PHF21B: variants seen among roughly 807,000 people sequenced by gnomAD.
PHF21B encodes PHD finger protein 21B, also known as PHD finger protein 4.
PHF21B carries 22 observed loss-of-function variants against 62.2 expected under a neutral mutation model. The ratio of observed to expected loss-of-function variants is 0.35; its 90% CI spans 0.25 to 0.51. The LOEUF (loss-of-function observed/expected upper bound fraction) is 0.51. Among genes scored for constraint, PHF21B ranks in the 20% least tolerant of loss-of-function variants. The pLI is 0.97. For missense variants in PHF21B, 701 were observed against 707.9 expected (o/e 0.99, Z 0.11); for synonymous variants, 341 against 314.7 (o/e 1.08, Z -0.88).
At chr22:44,985,708 G>C (rs1230634888) in intron 2 of PHF21B, among the ~76,000 whole-genome samples, 2 of 152,134 alleles carry the variant, frequency 1.3e-5, no homozygotes, top group Non-Finnish European at 2.9e-5. Flanking sequence ...TGTTGTGATG[G>C]CAAAGCAACA....
intron 5 of PHF21B, among the ~76,000 whole-genome samples, chr22:44,897,450 G>A (rs2071081385): frequency 6.6e-6 from 1 of 152,146 alleles, no homozygotes; most frequent in Non-Finnish European, 1.5e-5. Context: ...TTGGTGACGG[G>A]AGTGAGGCTC....
chr22:44,934,685 G>A (rs2071810075), intron 2 of PHF21B, among the ~76,000 whole-genome samples: 1 of 152,170 alleles, frequency 6.6e-6, no homozygotes, highest in Non-Finnish European at 1.5e-5. Context: ...TAACTGGAGG[G>A]TGTAGGGAGT....
intron 2 of PHF21B, among the ~76,000 whole-genome samples, chr22:45,007,012 C>G (rs1244048648): frequency 6.6e-6 from 1 of 152,128 alleles, no homozygotes; most frequent in Non-Finnish European, 1.5e-5. Flanking sequence ...CTCCCCCCGC[C>G]AACTCCCCGA....
intron 2 of PHF21B, among the ~76,000 whole-genome samples, chr22:44,961,886 A>AAAT (rs1601649082): frequency 6.6e-6 from 1 of 151,180 alleles, no homozygotes; most frequent in Non-Finnish European, 1.5e-5. Flanking sequence ...ATAAATAAAT[A>AAAT]AATAAATAAG....
In PHF21B at chr22:44,888,137, G is replaced by C; in HGVS notation, c.1039-16C>G. ...TGATCTCGTTCTGGAAGAGAAGGGA[G>C]GGCAGGAGACAGGTCAGCCACAGCC... On this transcript the variant is annotated splice_polypyrimidine_tract_variant and intron_variant, in intron 9 of 12. Coordinates refer to ENST00000313237, the MANE Select transcript of PHF21B (RefSeq NM_138415.5). 1 of 1,505,964 alleles carries C rather than the reference G, an allele frequency of 6.6e-7. No homozygotes were observed. The allele number at this position is 1,505,964 out of a possible 1,614,324, so 93.3% of individuals were successfully genotyped here. A position where few individuals can be genotyped will look rare whatever the true frequency, so the allele number is the denominator to read the frequency against.
At chr22:44,897,203 G>A (rs2071076677) in intron 5 of PHF21B, among the ~76,000 whole-genome samples, 1 of 152,042 alleles carries the variant, frequency 6.6e-6, no homozygotes, top group Non-Finnish European at 1.5e-5. Flanking sequence ...AAAAGGTCAT[G>A]ACACTGTATT....
At chr22:44,932,341 C>T (rs891997227) in intron 2 of PHF21B, among the ~76,000 whole-genome samples, 18 of 152,194 alleles carry the variant, frequency 1.2e-4, no homozygotes, top group African/African-American at 4.3e-4. Context: ...GTCCCTGTGT[C>T]ACAGACTGCT....
At chr22:44,969,549 C>T (rs1016557566) in intron 2 of PHF21B, among the ~76,000 whole-genome samples, 3 of 152,080 alleles carry the variant, frequency 2.0e-5, no homozygotes, top group African/African-American at 7.2e-5. Context: ...ACCTGTAATC[C>T]CAGCTACTCG....
At chr22:44,927,113 G>A (rs1177844892) in intron 2 of PHF21B, among the ~76,000 whole-genome samples, 2 of 152,214 alleles carry the variant, frequency 1.3e-5, no homozygotes, top group Admixed American at 6.5e-5. Context: ...AGGGACGGAT[G>A]GAGGCGGCGG....
At chr22:44,895,364 G>A (rs1369472428) in intron 6 of PHF21B, among the ~76,000 whole-genome samples, 3 of 152,196 alleles carry the variant, frequency 2.0e-5, no homozygotes, top group East Asian at 1.9e-4. Flanking sequence ...CACGGCCCAT[G>A]TGAAGCTGCC....
intron 2 of PHF21B, among the ~76,000 whole-genome samples, chr22:44,987,290 G>A (rs1175045899): frequency 1.3e-5 from 2 of 151,650 alleles, no homozygotes; most frequent in African/African-American, 2.4e-5. Context: ...GATGAGGGTG[G>A]GAACTAGCAA....
At chr22:44,966,275 C>G (rs889844798) in intron 2 of PHF21B, among the ~76,000 whole-genome samples, 1 of 152,242 alleles carries the variant, frequency 6.6e-6, no homozygotes, top group Non-Finnish European at 1.5e-5. Flanking sequence ...CTGCTGCTCA[C>G]TGAGCTTCAA....
intron 2 of PHF21B, among the ~76,000 whole-genome samples, chr22:44,941,335 G>A (rs2071952345): frequency 6.6e-6 from 1 of 152,240 alleles, no homozygotes; most frequent in South Asian, 2.1e-4. Context: ...GACTTCGGGG[G>A]CTGTGCCCTT....
chr22:44,988,025 C>G (rs1470766471), intron 2 of PHF21B, among the ~76,000 whole-genome samples: 1 of 152,192 alleles, frequency 6.6e-6, no homozygotes, highest in Non-Finnish European at 1.5e-5. Flanking sequence ...GTAAGAATGA[C>G]TAACAGGGAA....
chr22:44,942,797 G>A (rs2071985008), intron 2 of PHF21B, among the ~76,000 whole-genome samples: 1 of 152,180 alleles, frequency 6.6e-6, no homozygotes, highest in Non-Finnish European at 1.5e-5. Context: ...CCCGGGACGG[G>A]GGTGCAGGAG....
intron 2 of PHF21B, among the ~76,000 whole-genome samples, chr22:44,983,768 T>G (rs2147482539): frequency 6.6e-6 from 1 of 152,314 alleles, no homozygotes; most frequent in African/African-American, 2.4e-5. Context: ...AGTTTTTACT[T>G]CCTGCTTTTT....
chr22:44,931,493 G>A (rs966066195), intron 2 of PHF21B, among the ~76,000 whole-genome samples: 4 of 152,178 alleles, frequency 2.6e-5, no homozygotes, highest in East Asian at 1.9e-4. Flanking sequence ...AGTGGCTACC[G>A]TATGCTGACA....
At position 44,932,030 on chromosome 22, in the gene PHF21B, A is replaced by T. The variant is rs1268464015; in HGVS notation, c.121-11540T>A. Among the ~76,000 whole-genome samples the T allele has an allele frequency of 5.3e-5, 8 of 152,322 alleles. No homozygotes were observed. The East Asian group carries it at 1.5e-3, about 29-fold the overall frequency. On this transcript the variant is annotated intron_variant, in intron 2 of 12. Coordinates refer to ENST00000313237, the MANE Select transcript of PHF21B (RefSeq NM_138415.5). ...GAAGGAAGGAAGGCAGGGCACAGGG[A>T]AAGACGCAGCCTTGAGGCCTTGGAG...
intron 2 of PHF21B, among the ~76,000 whole-genome samples, chr22:44,939,219 G>A (rs1359500861): frequency 6.6e-6 from 1 of 152,240 alleles, no homozygotes; most frequent in African/African-American, 2.4e-5. Flanking sequence ...AGGGACTGCG[G>A]GAAGCTGCAC....
Sources: gnomAD v4.1 joint callset for allele counts (sites outside exome capture counted in the v4.1 genomes callset) on GRCh38, gnomAD v4.1.1 for gene constraint, MANE v1.5 for transcripts, NCBI Gene and HGNC (gene_info 2026-07-23, HGNC 2026-07-21) for gene names.